The following F10 variants were observed in gnomAD, a reference collection of about 807,000 sequenced individuals.
The protein encoded by F10 is Stuart-Prower factor.
F10 carries 29 observed loss-of-function variants against 37.1 expected under a neutral mutation model. That is an observed-to-expected ratio of 0.78 (90% confidence interval 0.58 to 1.07). F10 has a LOEUF of 1.07. Among genes scored for constraint, F10 ranks in the 50% least tolerant of loss-of-function variants. The probability of loss-of-function intolerance (pLI) is 0.00; values close to 1 mark genes in which losing one functional copy is unlikely to be tolerated. For synonymous variants in F10, 262 were observed against 268.6 expected, an observed-to-expected ratio of 0.98 and a Z score of 0.24; for missense variants, 539 against 667.9, an observed-to-expected ratio of 0.81 and a Z score of 2.13.
chr13:113,137,126 A>C (rs2036486586), intron 2 of F10, among the ~76,000 whole-genome samples: 1 of 152,250 alleles, frequency 6.6e-6, no homozygotes, highest in Admixed American at 6.5e-5. Context: ...AAGTAAGATA[A>C]ATGTCTTTTG....
intron 6 of F10, among the ~76,000 whole-genome samples, chr13:113,145,490 G>GT (rs1167190307): frequency 6.7e-6 from 1 of 149,904 alleles, no homozygotes; most frequent in Non-Finnish European, 1.5e-5. Flanking sequence ...TACTTTCAGT[G>GT]TAAGTATGTT....
intron 6 of F10, among the ~76,000 whole-genome samples, chr13:113,145,005 A>G (rs2036568191): frequency 6.6e-6 from 1 of 151,900 alleles, no homozygotes; most frequent in South Asian, 2.1e-4. Flanking sequence ...CAGCCTCCCG[A>G]GTAGCTGGGA....
intron 1 of F10, among the ~76,000 whole-genome samples, chr13:113,127,977 T>G (rs2036386214): frequency 6.6e-6 from 1 of 151,924 alleles, no homozygotes. Context: ...GTGAGGAGGC[T>G]GGTGAGCTGA....
Position 113,144,187 on chromosome 13 carries a change from T to C in F10, c.747+92T>C, listed in dbSNP as rs2036559810. ...GCCAGCCTGACACTTGGAATAGCAA[T>C]CCGGGAAGGAACTGTTCCGAACTAG... is the stretch of plus-strand genomic sequence containing the variant. On this transcript the variant is annotated intron_variant, in intron 6 of 7. Transcript: ENST00000375559. The surrounding 1 kb of genome is among the most constrained non-coding windows in gnomAD (Gnocchi z 6.4). 6.3e-7 allele frequency: 1 copy of C among 1,585,084 alleles called. No individual in the cohort carries two copies. The highest frequency in any genetic ancestry group is 1.7e-5 in the Admixed American group (1 of 59,432).
At chr13:113,129,746 G>A (rs879009905) in intron 2 of F10, 134 bp downstream of exon 2, 2 of 1,208,592 alleles carry the variant, frequency 1.7e-6, no homozygotes, top group East Asian at 2.4e-5. Context: ...CAGGGGCGGG[G>A]CCCAGCAAAT....
In F10 at chr13:113,141,194, T is replaced by G; in HGVS notation, c.502+144T>G. On this transcript the variant is annotated intron_variant, in intron 5 of 7. Transcript: ENST00000375559. This position sits in a 1 kb window ranked among gnomAD's most constrained non-coding sequence, Gnocchi z 5.4. ...ACACCAAGAGGACAGGACTGAGCCC[T>G]GGGCTCCGGGCCCAGGTGGTTCAAA... is the stretch of plus-strand genomic sequence containing the variant. 8.3e-7 allele frequency: 1 copy of G among 1,199,720 alleles called. No homozygotes were observed. The highest frequency in any genetic ancestry group is 1.2e-6 in the Non-Finnish European group (1 of 850,762). 74.3% of individuals were successfully genotyped at this position (1,199,720 alleles called of 1,614,324 possible).
chr13:113,125,500 T>C (rs2036361843), intron 1 of F10, among the ~76,000 whole-genome samples: 1 of 152,254 alleles, frequency 6.6e-6, no homozygotes, highest in African/African-American at 2.4e-5. Context: ...ACACGACAAA[T>C]GTCTACCAAT....
chr13:113,142,848 C>T (rs540142489), intron 5 of F10, among the ~76,000 whole-genome samples: 3 of 152,192 alleles, frequency 2.0e-5, no homozygotes, highest in East Asian at 3.9e-4. Flanking sequence ...AGGAGAATCG[C>T]CTGAACCCAG....
At chr13:113,147,905 T>G (rs550015434) in intron 7 of F10, among the ~76,000 whole-genome samples, 354 of 152,322 alleles carry the variant, frequency 2.3e-3, no homozygotes, top group South Asian at 0.011. Flanking sequence ...TGGGATTGTT[T>G]CATTAACATC....
chr13:113,147,264 A>G, intron 6 of F10, 115 bp from the exon 7 acceptor site: 1 of 754,380 alleles, frequency 1.3e-6, no homozygotes, highest in Non-Finnish European at 2.4e-6. Flanking sequence ...AGGAGACCGA[A>G]GAGGACAGCT....
intron 7 of F10, among the ~76,000 whole-genome samples, chr13:113,148,104 C>T (rs1391962713): frequency 1.3e-5 from 2 of 151,734 alleles, no homozygotes; most frequent in African/African-American, 4.8e-5. Context: ...CTGAGGCGGG[C>T]AGATCACCTG....
At chr13:113,148,334 A>AAAG (rs1167166816) in intron 7 of F10, among the ~76,000 whole-genome samples, 24 of 108,704 alleles carry the variant, frequency 2.2e-4, no homozygotes, top group African/African-American at 6.9e-4. Flanking sequence ...CTGTCTCAAA[A>AAAG]AAAAAAAAAA....
chr13:113,129,025 A>G (rs899363674), intron 1 of F10: 1 of 223,362 alleles, frequency 4.5e-6, no homozygotes. Context: ...TCAAACAAAT[A>G]CAATTTGGAG....
In F10 at chr13:113,143,701, G is replaced by GTTA; in HGVS notation, c.503-149_503-148insTAT. 1.0e-5 allele frequency: 12 copies of GTTA among 1,157,450 alleles called. No individual in the cohort carries two copies. The Admixed American group carries it at 1.5e-4, about 14-fold the overall frequency. The allele number at this position is 1,157,450 out of a possible 1,614,324, so 71.7% of individuals were successfully genotyped here. On this transcript the variant is annotated intron_variant, in intron 5 of 7. Coordinates refer to ENST00000375559, the MANE Select transcript of F10 (RefSeq NM_000504.4). The surrounding 1 kb of genome is among the most constrained non-coding windows in gnomAD (Gnocchi z 6.8). ...TGCAGATCCGACCCCTGCCGACGAC[G>GTTA]TGGGGCCTCGCCCTGCAAGCCCGCT...
At chr13:113,147,782 T>C (rs1459243502) in intron 7 of F10, among the ~76,000 whole-genome samples, 2 of 152,282 alleles carry the variant, frequency 1.3e-5, no homozygotes, top group African/African-American at 4.8e-5. Flanking sequence ...TGGGTCTGCA[T>C]GTCCAGCTAA....
chr13:113,127,046 A>G (rs867570813), intron 1 of F10, among the ~76,000 whole-genome samples: 1 of 152,238 alleles, frequency 6.6e-6, no homozygotes, highest in Non-Finnish European at 1.5e-5. Context: ...TGTCGGTGTC[A>G]CTAAAAGAAA....
At chr13:113,148,346 A>AAATATATATATG (rs56323700) in intron 7 of F10, among the ~76,000 whole-genome samples, 1 of 75,980 alleles carries the variant, frequency 1.3e-5, no homozygotes, top group African/African-American at 5.8e-5. Flanking sequence ...AAAAAAAAAA[A>AAATATATATATG]TATATATATA....
In F10 at chr13:113,146,307, G is replaced by A. The variant is rs2036582162; in HGVS notation, c.748-1072G>A. ...TCCTCCCAGTCCCAGGCACTGTGTG[G>A]TTGGGGCAAGAACCTCGATGCAGGA... On this transcript the variant is annotated intron_variant, in intron 6 of 7. Transcript: ENST00000375559. The surrounding 1 kb of genome is among the most constrained non-coding windows in gnomAD (Gnocchi z 4.5). Among the ~76,000 whole-genome samples, 1 of 152,170 alleles carries A rather than the reference G, an allele frequency of 6.6e-6. No individual in the cohort carries two copies. The highest frequency in any genetic ancestry group is 2.1e-4 in the South Asian group (1 of 4,832).
At chr13:113,138,121 A>G (rs1027198627) in intron 2 of F10, among the ~76,000 whole-genome samples, 1 of 152,236 alleles carries the variant, frequency 6.6e-6, no homozygotes, top group African/African-American at 2.4e-5. Context: ...TAACTCAGGC[A>G]TAGCAACTAA....
Sources: gnomAD v4.1 joint callset for allele counts (sites outside exome capture counted in the v4.1 genomes callset) on GRCh38, gnomAD v4.1.1 for gene constraint, Gnocchi (gnomAD v3.1) non-coding constraint, MANE v1.5 for transcripts, NCBI Gene and HGNC (gene_info 2026-07-23, HGNC 2026-07-21) for gene names.